Variants in RPL27A observed in about 807,000 individuals in gnomAD.
RPL27A encodes ribosomal protein L27a, also known as large ribosomal subunit protein uL15.
For synonymous variants in RPL27A, 69 were observed against 68.3 expected, an observed-to-expected ratio of 1.01 and a Z score of -0.05; for missense variants, 118 against 189.4, an observed-to-expected ratio of 0.62 and a Z score of 2.21.
rs1404551845 is a variant in RPL27A, at chr11:8,685,863, G to T, written c.*57G>T. On this transcript the variant is annotated 3_prime_UTR_variant, in exon 5 of 5. Coordinates refer to ENST00000314138, the MANE Select transcript of RPL27A (RefSeq NM_000990.5). ...ACTACTTTTTCCTTGTGGTGTGAGT[G>T]TAGGTTCTTCAGTGGCACCTCTACA... The T allele has an allele frequency of 3.2e-5, 50 of 1,579,862 alleles. No individual in the cohort carries two copies. The highest frequency in any genetic ancestry group is 4.2e-5 in the Non-Finnish European group (49 of 1,155,558).
In RPL27A at chr11:8,687,724, G is replaced by A. The variant is rs534445914; in HGVS notation, c.*1918G>A. ...GATCACTGCAAGCTCCGCCTCCTAG[G>A]TTCAGACCATTCTCCTGCCTCAGCT... On this transcript the variant is annotated 3_prime_UTR_variant, in exon 5 of 5. Coordinates refer to ENST00000314138, the MANE Select transcript of RPL27A (RefSeq NM_000990.5). 1 of 152,356 alleles carries A rather than the reference G, an allele frequency of 6.6e-6. No homozygotes were observed. The highest frequency in any genetic ancestry group is 2.1e-4 in the South Asian group (1 of 4,832). 9.4% of individuals were successfully genotyped at this position (152,356 alleles called of 1,614,324 possible). A position where few individuals can be genotyped will look rare whatever the true frequency, so the allele number is the denominator to read the frequency against.
rs34645163 is a variant in RPL27A at position 8,687,952 on chromosome 11, CTT to C, written c.*2147_*2148del. 0.16 allele frequency: 24,288 copies of C among 152,082 alleles called. 2,131 individuals are homozygous for C. The highest frequency in any genetic ancestry group is 0.23 in the East Asian group (1,200 of 5,152). 9.4% of individuals were successfully genotyped at this position (152,082 alleles called of 1,614,324 possible). A position where few individuals can be genotyped will look rare whatever the true frequency, so the allele number is the denominator to read the frequency against. On this transcript the variant is annotated 3_prime_UTR_variant, in exon 5 of 5. Transcript: ENST00000314138. ...TTAATTTTTGTGTTTGACTTAGTAA[CTT>C]AAGTGCAAACTATTACGGGAGCAGA... is the stretch of plus-strand genomic sequence containing the variant.
At chr11:8,683,421 G>T (rs2039531258) in intron 2 of RPL27A, 156 bp downstream of exon 2, 2 of 641,414 alleles carry the variant, frequency 3.1e-6, no homozygotes, top group African/African-American at 1.8e-5. Context: ...TAGTATTCCA[G>T]TTCTAAGGAA....
chr11:8,687,259 C>A lies in RPL27A; in HGVS notation c.*1453C>A, dbSNP rs960413921. ...TACTAAATACACAAAATTAGCCAGG[C>A]GTGGTGGCACATGCCTGTAATCCCA... On this transcript the variant is annotated 3_prime_UTR_variant, in exon 5 of 5. Coordinates refer to ENST00000314138, the MANE Select transcript of RPL27A (RefSeq NM_000990.5). 2.0e-5 allele frequency: 3 copies of A among 152,222 alleles called. No individual in the cohort carries two copies. The highest frequency in any genetic ancestry group is 7.2e-5 in the African/African-American group (3 of 41,418). 9.4% of individuals were successfully genotyped at this position (152,222 alleles called of 1,614,324 possible). A position where few individuals can be genotyped will look rare whatever the true frequency, so the allele number is the denominator to read the frequency against.
Position 8,689,027 on chromosome 11 carries a change from A to C in RPL27A, c.*3221A>C, listed in dbSNP as rs2039613879. On this transcript the variant is annotated 3_prime_UTR_variant, in exon 5 of 5. Coordinates refer to ENST00000314138, the MANE Select transcript of RPL27A (RefSeq NM_000990.5). ...AGACGATGACTCCCCCGCGTCCCAG[A>C]CCGGAAGAAGCCCGGCGGAGACCGG... 6.6e-6 allele frequency: 1 copy of C among 152,266 alleles called. No homozygotes were observed. Among genetic ancestry groups the C allele is most frequent in the Non-Finnish European group, 1.5e-5 (1 of 68,064 alleles). 9.4% of individuals were successfully genotyped at this position (152,266 alleles called of 1,614,324 possible).
rs7945657 is a variant in RPL27A at position 8,687,694 on chromosome 11, T to G, written c.*1888T>G. 0.16 allele frequency: 24,612 copies of G among 152,166 alleles called. 2,226 individuals carry two copies. Among genetic ancestry groups the G allele is most frequent in the East Asian group, 0.26 (1,339 of 5,146 alleles). The allele number at this position is 152,166 out of a possible 1,614,324, so 9.4% of individuals were successfully genotyped here. ...CCCAGGCTGGAGTGCAGTGGTGCGA[T>G]CTCAGATCACTGCAAGCTCCGCCTC... On this transcript the variant is annotated 3_prime_UTR_variant, in exon 5 of 5. Transcript: ENST00000314138.
chr11:8,684,572 G>GT, intron 3 of RPL27A, 146 bp from the exon 4 acceptor site: 1 of 729,750 alleles, frequency 1.4e-6, no homozygotes, highest in South Asian at 1.7e-5. Context: ...TAAAACAGTT[G>GT]TTTAAGTCAA....
chr11:8,689,100 G>A lies in RPL27A; in HGVS notation c.*3294G>A, dbSNP rs554810378. 1.3e-5 allele frequency: 2 copies of A among 152,402 alleles called. No individual in the cohort carries two copies. The highest frequency in any genetic ancestry group is 2.4e-5 in the African/African-American group (1 of 41,594). 9.4% of individuals were successfully genotyped at this position (152,402 alleles called of 1,614,324 possible). ...AGGGCGGAGCCGGCCAGTGGTGCGC[G>A]AGCGCAGATAACTCCCCTGGAGAGG... is the stretch of plus-strand genomic sequence containing the variant. On this transcript the variant is annotated 3_prime_UTR_variant, in exon 5 of 5. Transcript: ENST00000314138.
chr11:8,683,022 C>A, intron 1 of RPL27A, 180 bp from the exon 2 acceptor site: 2 of 839,838 alleles, frequency 2.4e-6, no homozygotes, highest in Non-Finnish European at 3.7e-6. Context: ...CTAGGACACG[C>A]GGGCCCCTGC....
intron 1 of RPL27A, 104 bp downstream of exon 1, chr11:8,682,920 A>G: frequency 7.0e-7 from 1 of 1,436,956 alleles, no homozygotes; most frequent in Non-Finnish European, 9.4e-7. Context: ...CGGGGCTTCC[A>G]GGCTGCGCAT....
Position 8,688,521 on chromosome 11 carries a change from A to G in RPL27A, c.*2715A>G, listed in dbSNP as rs1413861535. 6.6e-6 allele frequency: 1 copy of G among 152,200 alleles called. No homozygotes were observed. The highest frequency in any genetic ancestry group is 1.5e-5 in the Non-Finnish European group (1 of 68,036). The allele number at this position is 152,200 out of a possible 1,614,324, so 9.4% of individuals were successfully genotyped here. A position where few individuals can be genotyped will look rare whatever the true frequency, so the allele number is the denominator to read the frequency against. ...CCGCATTTACTAAAATATTTTCATGACTGCCAAGCTTTGAATAGCCTGCTG... is the reference window on the plus strand; with the variant it reads ...CCGCATTTACTAAAATATTTTCATGGCTGCCAAGCTTTGAATAGCCTGCTG... On this transcript the variant is annotated 3_prime_UTR_variant, in exon 5 of 5. Coordinates refer to ENST00000314138, the MANE Select transcript of RPL27A (RefSeq NM_000990.5).
intron 3 of RPL27A, chr11:8,684,510 G>T: frequency 1.5e-6 from 1 of 671,244 alleles, no homozygotes; most frequent in Non-Finnish European, 2.7e-6. Flanking sequence ...GGTTTATCCT[G>T]GTTCCAGGAA....
Position 8,684,865 on chromosome 11 carries a change from T to A in RPL27A, c.291T>A (p.Ala97=), listed in dbSNP as rs775731641. ...ATGCTGCTAAAAACAAGACTGGGGC[T>A]GCTCCCATCATTGATGTGGTGCGAT... ...RVNAAKNKTG[A]APIIDVVRSG... Residue 97 remains alanine (A), a synonymous_variant, in exon 4 of 5, where the codon GCT becomes GCA. Transcript: ENST00000314138. The A allele has an allele frequency of 1.2e-5, 19 of 1,614,080 alleles. No individual in the cohort carries two copies. In the South Asian group the frequency reaches 1.6e-4, roughly 14 times the overall value.
At chr11:8,684,119 G>A in intron 3 of RPL27A, 38 bp downstream of exon 3, 1 of 1,548,108 alleles carries the variant, frequency 6.5e-7, no homozygotes, top group Non-Finnish European at 8.9e-7. Context: ...ACACAGCTTG[G>A]GAGGTAGGGG....
intron 4 of RPL27A, chr11:8,685,360 A>T: frequency 1.8e-6 from 1 of 571,218 alleles, no homozygotes; most frequent in Non-Finnish European, 3.4e-6. Context: ...ATGTCCATTG[A>T]GTAGTTCTGG....
At position 8,683,361 on chromosome 11, in the gene RPL27A, C is replaced by A. The variant is rs2039529297; in HGVS notation, c.67+96C>A. On this transcript the variant is annotated intron_variant, in intron 2 of 4. Transcript: ENST00000314138. ...AGCCTATAAGTGGGTTAGAATAAGA[C>A]CTTTTTGTGGTCAAGTTGCACAGCT... 9.6e-6 allele frequency: 10 copies of A among 1,042,290 alleles called. No individual in the cohort carries two copies. In the South Asian group the frequency reaches 1.3e-4, roughly 14 times the overall value. 64.6% of individuals were successfully genotyped at this position (1,042,290 alleles called of 1,614,324 possible). A position where few individuals can be genotyped will look rare whatever the true frequency, so the allele number is the denominator to read the frequency against.
rs1555082943 is a variant in RPL27A at position 8,687,389 on chromosome 11, T to TCGCCC, written c.*1584_*1585insGCCCC. 9.9e-6 allele frequency: 1 copy of TCGCCC among 100,804 alleles called. No individual in the cohort carries two copies. Among genetic ancestry groups the TCGCCC allele is most frequent in the Non-Finnish European group, 2.2e-5 (1 of 45,800 alleles). 6.2% of individuals were successfully genotyped at this position (100,804 alleles called of 1,614,324 possible). A position where few individuals can be genotyped will look rare whatever the true frequency, so the allele number is the denominator to read the frequency against. On this transcript the variant is annotated 3_prime_UTR_variant, in exon 5 of 5. Coordinates refer to ENST00000314138, the MANE Select transcript of RPL27A (RefSeq NM_000990.5). ...CTTGGGCAACAAGAGTGAAACTCTG[T>TCGCCC]CCACCCCCCCCAAAAAAAGTAAGGG...
At chr11:8,683,154 C>T in intron 1 of RPL27A, 48 bp from the exon 2 acceptor site, 1 of 1,579,304 alleles carries the variant, frequency 6.3e-7, no homozygotes, top group Non-Finnish European at 8.7e-7. Context: ...GGGCATCGCC[C>T]CCTGCCCCTA....
intron 4 of RPL27A, chr11:8,685,370 G>T: frequency 1.7e-6 from 1 of 580,964 alleles, no homozygotes. Flanking sequence ...AGTAGTTCTG[G>T]TGGTCAGGAA....
Sources: gnomAD v4.1 joint callset for allele counts on GRCh38, gnomAD v4.1.1 for gene constraint, MANE v1.5 for transcripts, NCBI Gene and HGNC (gene_info 2026-07-23, HGNC 2026-07-21) for gene names.